The following CCDC158 variants were observed in gnomAD, a reference collection of about 807,000 sequenced individuals.
CCDC158 encodes coiled-coil domain-containing protein 158.
A neutral mutation model predicts 138.6 loss-of-function variants in CCDC158; 116 were observed. That is an observed-to-expected ratio of 0.84 (90% CI 0.72 to 0.98). CCDC158 has a LOEUF of 0.98. Among genes scored for constraint, CCDC158 ranks in the 50% least tolerant of loss-of-function variants. The probability of loss-of-function intolerance (pLI) is 0.00; values close to 1 mark genes in which losing one functional copy is unlikely to be tolerated. For synonymous variants in CCDC158, 436 were observed against 442.4 expected (o/e 0.99, Z 0.18); for missense variants, 1,265 against 1,306.1 (o/e 0.97, Z 0.48).
chr4:76,338,467 G>A (rs533136507), intron 18 of CCDC158, among the ~76,000 whole-genome samples: 98 of 152,298 alleles, frequency 6.4e-4, no homozygotes, highest in Middle Eastern at 6.8e-3. Context: ...GGCCAAGATC[G>A]TGCCACTGCA....
At position 76,380,916 on chromosome 4, in the gene CCDC158, A is replaced by G. The variant is rs545286821; in HGVS notation, c.915-1512T>C. On this transcript the variant is annotated intron_variant, in intron 8 of 24. Coordinates refer to ENST00000682701, the MANE Select transcript of CCDC158 (RefSeq NM_001394954.1). ...AGCCATGGCTAAAATGGGCCAAGGT[A>G]CAGCTCGGGCTGTTGCTTCAAAGGG... Among the ~76,000 whole-genome samples, 415 of 152,348 alleles carry G rather than the reference A, an allele frequency of 2.7e-3. 3 individuals carry two copies. Among genetic ancestry groups the G allele is most frequent in the Non-Finnish European group, 1.8e-3 (121 of 68,030 alleles).
At chr4:76,393,097 A>G (rs1038073971) in intron 4 of CCDC158, among the ~76,000 whole-genome samples, 2 of 152,106 alleles carry the variant, frequency 1.3e-5, no homozygotes, top group African/African-American at 2.4e-5. Context: ...CTATAAAAAT[A>G]CTAATGACAT....
chr4:76,355,255 C>T (rs756601243), intron 15 of CCDC158, 69 bp downstream of exon 15: 52 of 989,152 alleles, frequency 5.3e-5, no homozygotes, highest in Non-Finnish European at 8.1e-5. Context: ...TCTGCTTCAT[C>T]TTATTCTGCC....
intron 2 of CCDC158, among the ~76,000 whole-genome samples, chr4:76,409,910 C>CA (rs113239882): frequency 0.035 from 4,980 of 140,558 alleles, 230 homozygotes; most frequent in African/African-American, 0.11. Flanking sequence ...GGAATGTTGC[C>CA]AAAAAAAAAA....
intron 9 of CCDC158, among the ~76,000 whole-genome samples, chr4:76,378,334 T>TA (rs1180653854): frequency 4.6e-5 from 7 of 152,224 alleles, no homozygotes; most frequent in African/African-American, 1.7e-4. Flanking sequence ...ATAAAGGGAG[T>TA]ATGGCAGCTT....
At chr4:76,356,371 T>C (rs1723564344) in intron 14 of CCDC158, among the ~76,000 whole-genome samples, 2 of 41,038 alleles carry the variant, frequency 4.9e-5, no homozygotes, top group Admixed American at 3.3e-4. Flanking sequence ...CTAAAACAAA[T>C]GTTTTTTTTT....
At chr4:76,364,885 G>T (rs897365985) in intron 12 of CCDC158, among the ~76,000 whole-genome samples, 8 of 152,158 alleles carry the variant, frequency 5.3e-5, no homozygotes, top group African/African-American at 1.9e-4. Flanking sequence ...GGAGCCCCAG[G>T]CTTGTCTCAC....
intron 20 of CCDC158, among the ~76,000 whole-genome samples, chr4:76,331,656 A>G (rs932737088): frequency 2.0e-5 from 3 of 152,174 alleles, no homozygotes; most frequent in Non-Finnish European, 4.4e-5. Flanking sequence ...CAGAATGGAG[A>G]AAAAGCTTGA....
chr4:76,402,694 T>C (rs771484386), intron 3 of CCDC158, among the ~76,000 whole-genome samples: 1 of 152,162 alleles, frequency 6.6e-6, no homozygotes, highest in Admixed American at 6.5e-5. Context: ...GATGGGGGCC[T>C]GAACCAGAAC....
At chr4:76,341,809 T>C (rs1480286149) in intron 18 of CCDC158, among the ~76,000 whole-genome samples, 1 of 152,220 alleles carries the variant, frequency 6.6e-6, no homozygotes, top group Non-Finnish European at 1.5e-5. Flanking sequence ...GTTTTCCTAC[T>C]TTCTTACTTT....
At chr4:76,391,765 C>A (rs1176708878) in intron 4 of CCDC158, among the ~76,000 whole-genome samples, 2 of 151,390 alleles carry the variant, frequency 1.3e-5, no homozygotes, top group Non-Finnish European at 3.0e-5. Flanking sequence ...AATTGACAAA[C>A]CTTTAGCAAG....
intron 15 of CCDC158, among the ~76,000 whole-genome samples, chr4:76,354,349 A>G (rs1375853126): frequency 6.6e-6 from 1 of 152,146 alleles, no homozygotes; most frequent in Non-Finnish European, 1.5e-5. Context: ...GGGTATGCAC[A>G]AATGTAGGTT....
intron 14 of CCDC158, 79 bp from the exon 15 acceptor site, chr4:76,355,515 T>G: frequency 1.1e-6 from 1 of 923,880 alleles, no homozygotes; most frequent in Non-Finnish European, 1.8e-6. Flanking sequence ...TTAAACTTTA[T>G]GAGAAGGTGA....
At chr4:76,320,234 A>G (rs1292319340) in intron 24 of CCDC158, among the ~76,000 whole-genome samples, 2 of 152,192 alleles carry the variant, frequency 1.3e-5, no homozygotes, top group Admixed American at 1.3e-4. Context: ...ATACCTAACC[A>G]AGGAGATGAA....
At chr4:76,394,562 G>C (rs1727604093) in intron 4 of CCDC158, among the ~76,000 whole-genome samples, 1 of 152,088 alleles carries the variant, frequency 6.6e-6, no homozygotes, top group Admixed American at 6.6e-5. Flanking sequence ...CCTAGTATTT[G>C]ATAGCACAAC....
chr4:76,380,298 C>T (rs1236420740), intron 8 of CCDC158, among the ~76,000 whole-genome samples: 2 of 152,124 alleles, frequency 1.3e-5, no homozygotes, highest in African/African-American at 4.8e-5. Flanking sequence ...TGGTTGTGAC[C>T]AAAATGCTGA....
intron 4 of CCDC158, among the ~76,000 whole-genome samples, chr4:76,394,696 T>C (rs1185705029): frequency 6.6e-6 from 1 of 152,134 alleles, no homozygotes; most frequent in East Asian, 1.9e-4. Context: ...TTTCATTATG[T>C]GATTTTTTTA....
At chr4:76,400,671 A>G (rs541034988) in intron 3 of CCDC158, among the ~76,000 whole-genome samples, 1 of 152,210 alleles carries the variant, frequency 6.6e-6, no homozygotes, top group South Asian at 2.1e-4. Context: ...TATCTGGCTA[A>G]GATCATGAGA....
At chr4:76,362,366 G>T (rs1210512895) in intron 12 of CCDC158, 51 bp from the exon 13 acceptor site, 2 of 1,360,020 alleles carry the variant, frequency 1.5e-6, no homozygotes, top group African/African-American at 1.5e-5. Context: ...ATATGTACAT[G>T]TATAGTTATA....
Sources: allele counts gnomAD v4.1 joint callset (sites outside exome capture counted in the v4.1 genomes callset), GRCh38; gene constraint gnomAD v4.1.1; transcripts MANE v1.5; gene names NCBI Gene and HGNC (gene_info 2026-07-23, HGNC 2026-07-21).